The following DTWD2 variants were observed in gnomAD, a reference collection of about 807,000 sequenced individuals.
DTWD2 encodes the protein tRNA-uridine aminocarboxypropyltransferase 2.
A neutral mutation model predicts 31.8 loss-of-function variants in DTWD2; 39 were observed. The ratio of observed to expected loss-of-function variants is 1.22; its 90% CI spans 0.95 to 1.60. The LOEUF (loss-of-function observed/expected upper bound fraction) is 1.60, where lower values mean the gene tolerates loss of function less well. Ranked by LOEUF, DTWD2 falls within the 40% of genes most tolerant of loss-of-function variation. The pLI is 0.00. For synonymous variants in DTWD2, 180 were observed against 142.8 expected, an observed-to-expected ratio of 1.26 and a Z score of -1.86; for missense variants, 515 against 381.5, an observed-to-expected ratio of 1.35 and a Z score of -2.92.
In DTWD2 at chr5:118,858,371, T is replaced by C. The variant is rs78168231; in HGVS notation, c.598-10153A>G. 4.4e-3 allele frequency among the ~76,000 whole-genome samples: 676 copies of C among 152,352 alleles called. 7 individuals are homozygous for C. Among genetic ancestry groups the C allele is most frequent in the African/African-American group, 0.015 (642 of 41,584 alleles). On this transcript the variant is annotated intron_variant, in intron 4 of 5. Coordinates refer to ENST00000510708, the MANE Select transcript of DTWD2 (RefSeq NM_173666.4). ...AAGCTTTCCCCACCCAAGTTTCTAA[T>C]GTTGACACAGACCAGTACTTTAATA...
chr5:118,886,662 CT>C (rs1752875283), intron 4 of DTWD2, among the ~76,000 whole-genome samples: 1 of 152,102 alleles, frequency 6.6e-6, no homozygotes. Context: ...ATGCTGTATA[CT>C]ACATTGTGTA....
chr5:118,926,541 T>C (rs1227411201), intron 4 of DTWD2, among the ~76,000 whole-genome samples: 1 of 151,884 alleles, frequency 6.6e-6, no homozygotes, highest in Non-Finnish European at 1.5e-5. Flanking sequence ...CTATTGAAAT[T>C]TTAAAAAAAA....
intron 4 of DTWD2, among the ~76,000 whole-genome samples, chr5:118,858,777 A>C (rs576178894): frequency 6.6e-6 from 1 of 152,330 alleles, no homozygotes; most frequent in South Asian, 2.1e-4. Flanking sequence ...CAGAATTAGC[A>C]ATTATACCCT....
intron 1 of DTWD2, among the ~76,000 whole-genome samples, chr5:118,987,146 G>A (rs887576393): frequency 5.3e-5 from 8 of 151,972 alleles, no homozygotes; most frequent in Non-Finnish European, 1.0e-4. Context: ...ATCCTATTGA[G>A]ACCCCTCCAA....
intron 4 of DTWD2, among the ~76,000 whole-genome samples, chr5:118,869,642 C>A (rs946503936): frequency 4.6e-5 from 7 of 152,136 alleles, no homozygotes; most frequent in Non-Finnish European, 8.8e-5. Context: ...AGATCTCTTT[C>A]CACAAACAAT....
intron 3 of DTWD2, among the ~76,000 whole-genome samples, chr5:118,937,957 A>T (rs1754082310): frequency 2.0e-5 from 1 of 50,862 alleles, no homozygotes; most frequent in South Asian, 1.1e-3. Context: ...AATCTTAACT[A>T]TGTGAGGTGA....
chr5:118,961,141 G>A (rs1754697881), intron 1 of DTWD2, among the ~76,000 whole-genome samples: 1 of 152,036 alleles, frequency 6.6e-6, no homozygotes, highest in Admixed American at 6.5e-5. Context: ...GATGCCTAGA[G>A]AACAAACGTC....
intron 4 of DTWD2, among the ~76,000 whole-genome samples, chr5:118,899,721 T>A (rs1455064215): frequency 1.3e-5 from 2 of 151,710 alleles, no homozygotes; most frequent in African/African-American, 4.8e-5. Flanking sequence ...TACCTTGACA[T>A]CCAAAACCAT....
rs541008794 is a variant in DTWD2 at position 118,859,481 on chromosome 5, T to C, written c.598-11263A>G. On this transcript the variant is annotated intron_variant, in intron 4 of 5. Coordinates refer to ENST00000510708, the MANE Select transcript of DTWD2 (RefSeq NM_173666.4). The stretch of plus-strand genomic sequence containing the variant: ...AAATGTTTTGATCCATTCCAGACAT[T>C]AATATTTTAGATACTCAAATTATCC... Among the ~76,000 whole-genome samples, 3 of 152,284 alleles carry C rather than the reference T, an allele frequency of 2.0e-5. No homozygotes were observed. The East Asian group carries it at 5.8e-4, about 29-fold the overall frequency.
intron 1 of DTWD2, chr5:118,973,927 G>A: frequency 6.3e-7 from 1 of 1,597,646 alleles, no homozygotes; most frequent in African/African-American, 1.3e-5. Flanking sequence ...AGGAAAATGG[G>A]GAGCAGGAGG....
chr5:118,934,213 T>A (rs1462226791), intron 3 of DTWD2, among the ~76,000 whole-genome samples: 1 of 127,440 alleles, frequency 7.8e-6, no homozygotes, highest in African/African-American at 2.9e-5. Flanking sequence ...AGCAGGTGGA[T>A]CCCTTTAGCC....
At chr5:118,848,646 CA>C (rs1308708527) in intron 4 of DTWD2, among the ~76,000 whole-genome samples, 1 of 152,064 alleles carries the variant, frequency 6.6e-6, no homozygotes, top group African/African-American at 2.4e-5. Flanking sequence ...CTACAGTAAC[CA>C]AAATAGCAAG....
chr5:118,879,301 G>T (rs922213085), intron 4 of DTWD2, among the ~76,000 whole-genome samples: 1 of 152,054 alleles, frequency 6.6e-6, no homozygotes, highest in Non-Finnish European at 1.5e-5. Flanking sequence ...GGAATATTAC[G>T]CAGCCATTAA....
At chr5:118,943,677 G>T (rs1229551063) in intron 2 of DTWD2, among the ~76,000 whole-genome samples, 1 of 152,176 alleles carries the variant, frequency 6.6e-6, no homozygotes, top group Non-Finnish European at 1.5e-5. Flanking sequence ...GGCAGAGATT[G>T]CAGTGAGCTG....
intron 4 of DTWD2, among the ~76,000 whole-genome samples, chr5:118,905,519 GATAAA>G (rs372526613): frequency 7.4e-4 from 112 of 152,204 alleles, no homozygotes; most frequent in Non-Finnish European, 5.9e-4. Context: ...TATTTTCTAA[GATAAA>G]ACAGTTCTTA....
chr5:118,895,317 T>C (rs1753061664), intron 4 of DTWD2, among the ~76,000 whole-genome samples: 1 of 152,096 alleles, frequency 6.6e-6, no homozygotes, highest in African/African-American at 2.4e-5. Flanking sequence ...GTTACAGATC[T>C]ATATAAGGAA....
chr5:118,941,765 C>A (rs1754208421), intron 2 of DTWD2, among the ~76,000 whole-genome samples: 1 of 152,202 alleles, frequency 6.6e-6, no homozygotes, highest in South Asian at 2.1e-4. Flanking sequence ...CAGACTTCCA[C>A]AATGGTTGAA....
intron 1 of DTWD2, among the ~76,000 whole-genome samples, chr5:118,964,603 C>T (rs913184429): frequency 6.6e-5 from 10 of 152,234 alleles, no homozygotes; most frequent in Non-Finnish European, 1.3e-4. Flanking sequence ...CCACGCCTGA[C>T]TGGTTTTCGT....
intron 4 of DTWD2, among the ~76,000 whole-genome samples, chr5:118,899,278 GCT>G (rs1470839646): frequency 6.6e-6 from 1 of 152,164 alleles, no homozygotes; most frequent in Non-Finnish European, 1.5e-5. Flanking sequence ...GAGTTATAGT[GCT>G]ATTGGGCATA....
Sources: allele counts gnomAD v4.1 joint callset (sites outside exome capture counted in the v4.1 genomes callset), GRCh38; gene constraint gnomAD v4.1.1; transcripts MANE v1.5; gene names NCBI Gene and HGNC (gene_info 2026-07-23, HGNC 2026-07-21).